SH3RF2: variants seen among roughly 807,000 people sequenced by gnomAD.
SH3RF2 encodes SH3 domain containing ring finger 2.
Under a neutral mutation model 59.0 loss-of-function variants are expected in SH3RF2, and 43 were observed. The observed-to-expected ratio is 0.73, with a 90% CI of 0.57 to 0.94. The LOEUF (loss-of-function observed/expected upper bound fraction) is 0.94. Among genes scored for constraint, SH3RF2 ranks in the 40% least tolerant of loss-of-function variants. The pLI, the probability that SH3RF2 is intolerant of heterozygous loss-of-function variation, is 0.00. For synonymous variants in SH3RF2, 391 were observed against 391.5 expected (o/e 1.00, Z 0.01); for missense variants, 930 against 940.1 (o/e 0.99, Z 0.14).
At chr5:146,009,113 G>A (rs1167524062) in intron 4 of SH3RF2, among the ~76,000 whole-genome samples, 1 of 152,194 alleles carries the variant, frequency 6.6e-6, no homozygotes, top group African/African-American at 2.4e-5. Context: ...TTTTGAGTGG[G>A]CACAAGTTTT....
intron 7 of SH3RF2, among the ~76,000 whole-genome samples, chr5:146,054,353 C>T (rs532316522): frequency 6.6e-6 from 1 of 152,058 alleles, no homozygotes; most frequent in Non-Finnish European, 1.5e-5. Context: ...TAGCTGTATG[C>T]TGCCCTTGCT....
At chr5:145,977,448 G>A (rs2093480074) in intron 2 of SH3RF2, among the ~76,000 whole-genome samples, 1 of 152,112 alleles carries the variant, frequency 6.6e-6, no homozygotes, top group Non-Finnish European at 1.5e-5. Context: ...ACATATATCT[G>A]TACAAGGTAC....
downstream of SH3RF2, among the ~76,000 whole-genome samples, chr5:146,064,805 AAG>A (rs1181775540): frequency 2.8e-3 from 90 of 32,698 alleles, no homozygotes; most frequent in South Asian, 7.7e-3. Context: ...GGAAGGAAGG[AAG>A]GAAAGAAAGA....
chr5:145,955,622 G>A (rs1011969166), intron 2 of SH3RF2, among the ~76,000 whole-genome samples: 8 of 152,158 alleles, frequency 5.3e-5, no homozygotes, highest in Admixed American at 1.3e-4. Flanking sequence ...TGAGCTTCCA[G>A]TACCAAAACT....
At chr5:146,031,987 G>C (rs1032381563) in intron 5 of SH3RF2, among the ~76,000 whole-genome samples, 1 of 152,154 alleles carries the variant, frequency 6.6e-6, no homozygotes, top group African/African-American at 2.4e-5. Flanking sequence ...GGGTTTGGAT[G>C]AACTTCATAG....
chr5:146,000,458 T>A, intron 3 of SH3RF2, 131 bp downstream of exon 3: 1 of 713,904 alleles, frequency 1.4e-6, no homozygotes, highest in African/African-American at 1.9e-5. Flanking sequence ...GTTAATATTT[T>A]ATTCATAAAA....
chr5:146,057,487 A>C (rs1437871995), intron 8 of SH3RF2, among the ~76,000 whole-genome samples: 1 of 152,266 alleles, frequency 6.6e-6, no homozygotes, highest in African/African-American at 2.4e-5. Flanking sequence ...GGGTTAACTT[A>C]ATAAAACAAC....
chr5:146,031,568 G>T (rs975700389), intron 5 of SH3RF2, among the ~76,000 whole-genome samples: 1 of 152,296 alleles, frequency 6.6e-6, no homozygotes, highest in Non-Finnish European at 1.5e-5. Context: ...CAACAGGGTG[G>T]GTGAGTGAGA....
intron 2 of SH3RF2, among the ~76,000 whole-genome samples, chr5:145,954,985 G>C (rs1007731029): frequency 2.4e-4 from 37 of 152,156 alleles, no homozygotes; most frequent in African/African-American, 8.9e-4. Flanking sequence ...TGGATCTCAT[G>C]AGGACAGCAC....
intron 2 of SH3RF2, among the ~76,000 whole-genome samples, chr5:145,978,428 C>T (rs762023605): frequency 5.9e-5 from 9 of 152,212 alleles, no homozygotes; most frequent in Non-Finnish European, 1.5e-5. Flanking sequence ...GGGATGTCCA[C>T]AGGGTGCTTT....
At chr5:145,956,671 T>G (rs912436638) in intron 2 of SH3RF2, among the ~76,000 whole-genome samples, 1 of 152,048 alleles carries the variant, frequency 6.6e-6, no homozygotes. Context: ...ACTGTTAAAT[T>G]AAAAGGAAAG....
downstream of SH3RF2, among the ~76,000 whole-genome samples, chr5:146,064,765 A>AG (rs1408093121): frequency 2.2e-5 from 1 of 46,256 alleles, no homozygotes; most frequent in Non-Finnish European, 4.1e-5. Context: ...GAAGGAAGGA[A>AG]GGAAGGAAGG....
chr5:146,076,973 C>T (rs906107218), intron 9 of SH3RF2, among the ~76,000 whole-genome samples: 11 of 152,184 alleles, frequency 7.2e-5, no homozygotes, highest in Non-Finnish European at 1.3e-4. Context: ...TACATCAGCA[C>T]AAGTCCCTGG....
At chr5:145,958,678 C>A (rs1758510667) in intron 2 of SH3RF2, among the ~76,000 whole-genome samples, 1 of 152,154 alleles carries the variant, frequency 6.6e-6, no homozygotes, top group South Asian at 2.1e-4. Flanking sequence ...CCAAGGTCAC[C>A]CAGTTTGCAA....
intron 9 of SH3RF2, among the ~76,000 whole-genome samples, chr5:146,070,614 T>C (rs1357558562): frequency 2.0e-5 from 3 of 152,196 alleles, no homozygotes; most frequent in Admixed American, 6.5e-5. Context: ...CTGTCCTCAC[T>C]CTAAATGATA....
At chr5:146,022,623 C>T (rs1761366302) in intron 5 of SH3RF2, among the ~76,000 whole-genome samples, 1 of 152,088 alleles carries the variant, frequency 6.6e-6, no homozygotes, top group South Asian at 2.1e-4. Context: ...CCTGTAATCC[C>T]AGCACTTTGG....
chr5:145,993,826 C>T (rs1171564758), intron 2 of SH3RF2, among the ~76,000 whole-genome samples: 1 of 152,094 alleles, frequency 6.6e-6, no homozygotes, highest in African/African-American at 2.4e-5. Context: ...CACCACCCCC[C>T]TGTCGTCTTG....
rs1757964637 is a variant in SH3RF2 at position 145,945,196 on chromosome 5, T to C, written c.378+6890T>C. Among the ~76,000 whole-genome samples, 2 of 152,198 alleles carry C rather than the reference T, an allele frequency of 1.3e-5. 1 individual carries two copies. Among genetic ancestry groups the C allele is most frequent in the South Asian group, 4.1e-4 (2 of 4,828 alleles). Reference sequence around the variant, plus strand: ...TGTTACATGCTCACTGTAGGATGCATCCAATTTTAGAAATGTTAAGATGTG... The same window carrying C: ...TGTTACATGCTCACTGTAGGATGCACCCAATTTTAGAAATGTTAAGATGTG... On this transcript the variant is annotated intron_variant, in intron 2 of 9. Coordinates refer to ENST00000359120, the MANE Select transcript of SH3RF2 (RefSeq NM_152550.4).
chr5:146,010,422 T>A lies in SH3RF2; in HGVS notation c.745-3325T>A, dbSNP rs182927670. Reference sequence around the variant, plus strand: ...AATGGGATGGCTGGGTCAAATGGTATTTCTAGTTCTAGATCCTTGAGGAAT... The same window carrying A: ...AATGGGATGGCTGGGTCAAATGGTAATTCTAGTTCTAGATCCTTGAGGAAT... On this transcript the variant is annotated intron_variant, in intron 4 of 9. Coordinates refer to ENST00000359120, the MANE Select transcript of SH3RF2 (RefSeq NM_152550.4). Among the ~76,000 whole-genome samples, 1,035 of 152,328 alleles carry A rather than the reference T, an allele frequency of 6.8e-3. 15 individuals carry two copies. Among genetic ancestry groups the A allele is most frequent in the African/African-American group, 0.024 (1,008 of 41,560 alleles).
Sources: gnomAD v4.1 joint callset for allele counts (sites outside exome capture counted in the v4.1 genomes callset) on GRCh38, gnomAD v4.1.1 for gene constraint, MANE v1.5 for transcripts, NCBI Gene and HGNC (gene_info 2026-07-23, HGNC 2026-07-21) for gene names.